FAT2: variants seen among roughly 807,000 people sequenced by gnomAD.
FAT2 encodes the protein FAT atypical cadherin 2.
Under a neutral mutation model 295.3 loss-of-function variants are expected in FAT2, and 150 were observed. The ratio of observed to expected loss-of-function variants is 0.51; its 90% CI spans 0.44 to 0.58. The LOEUF (loss-of-function observed/expected upper bound fraction) is 0.58. Among genes scored for constraint, FAT2 ranks in the 20% least tolerant of loss-of-function variants. FAT2 has a pLI of 0.00. For synonymous variants in FAT2, 2,026 were observed against 2,150.3 expected, an observed-to-expected ratio of 0.94 and a Z score of 1.60; for missense variants, 4,868 against 5,442.7, an observed-to-expected ratio of 0.89 and a Z score of 3.32.
rs1467837994 is a variant in FAT2, at chr5:151,568,222, C to T, written c.710G>A (p.Gly237Asp). The stretch of plus-strand genomic sequence containing the variant: ...ATGAACCACAAGTGCAGCCAGGCTG[C>T]CAAACCCATTGCCCTCAGAGATTTT... ...MRKISEGNGF[G>D]SLAALVVHVE... The change falls in exon 2 of 24, where the codon GGC becomes GAC. Residue 237 changes from glycine (G) to aspartate (D), a missense_variant. Gly to Asp is a moderately conservative substitution (Grantham distance 94). Transcript: ENST00000261800. 6.2e-7 allele frequency: 1 copy of T among 1,613,810 alleles called. No homozygotes were observed.
At chr5:151,537,346 AAGAAAAAAG>A (rs1167274430) in intron 12 of FAT2, among the ~76,000 whole-genome samples, 2 of 88,168 alleles carry the variant, frequency 2.3e-5, no homozygotes, top group African/African-American at 5.5e-5. Context: ...AAGAAAAGAA[AAGAAAAAAG>A]AAGGAAGGAA....
At chr5:151,526,010 C>T (rs772903987) in intron 17 of FAT2, 45 bp from the exon 18 acceptor site, 82 of 1,587,138 alleles carry the variant, frequency 5.2e-5, no homozygotes, top group East Asian at 2.3e-4. Context: ...GAATGAGTCC[C>T]GGTCCTTCCT....
In FAT2 at chr5:151,512,713, G is replaced by T. The variant is rs937631616; in HGVS notation, c.11464-107C>A. On this transcript the variant is annotated intron_variant, in intron 20 of 23. Coordinates refer to ENST00000261800, the MANE Select transcript of FAT2 (RefSeq NM_001447.3). The surrounding 1 kb of genome is among the most constrained non-coding windows in gnomAD (Gnocchi z 4.1). ...TTGTTTGTATTTTTATGGGTAGGAG[G>T]GGGGTGTTTGGCTGTTTTAGACATG... 3.8e-6 allele frequency: 4 copies of T among 1,055,498 alleles called. No individual in the cohort carries two copies. The highest frequency in any genetic ancestry group is 5.5e-6 in the Non-Finnish European group (4 of 733,570). The allele number at this position is 1,055,498 out of a possible 1,614,324, so 65.4% of individuals were successfully genotyped here.
chr5:151,571,582 C>G (rs973662125), intron 1 of FAT2, among the ~76,000 whole-genome samples: 1 of 152,216 alleles, frequency 6.6e-6, no homozygotes, highest in Non-Finnish European at 1.5e-5. Flanking sequence ...AGAGAATGCA[C>G]CCTTGGATGG....
rs1223178459 is a variant in FAT2, at chr5:151,566,734, G to A, written c.2198C>T (p.Pro733Leu). 4 of 1,614,182 alleles carry A rather than the reference G, an allele frequency of 2.5e-6. No homozygotes were observed. Among genetic ancestry groups the A allele is most frequent in the Non-Finnish European group, 3.4e-6 (4 of 1,180,034 alleles). Residue 733 changes from proline (P) to leucine (L), a missense_variant, in exon 2 of 24, where the codon CCC becomes CTC. Transcript: ENST00000261800. ...GTCAGTGGCTGCTAGGCGGGCCAAG[G>A]GGGTGTTGATAGGGACACTCTCAAG... ...DVLESVPINT[P>L]LARLAATDPD...
chr5:151,594,348 A>C (rs17112081), upstream of FAT2, among the ~76,000 whole-genome samples: 1 of 152,046 alleles, frequency 6.6e-6, no homozygotes, highest in African/African-American at 2.4e-5. Context: ...GGATGGGTCT[A>C]TATCTAACTC....
At chr5:151,539,646 GTTTAAC>G (rs1269433899) in intron 11 of FAT2, among the ~76,000 whole-genome samples, 2 of 152,264 alleles carry the variant, frequency 1.3e-5, no homozygotes, top group East Asian at 1.9e-4. Flanking sequence ...AATGTTAGCA[GTTTAAC>G]TTTATCTATA....
At chr5:151,590,077 A>T (rs1403058100) in intron 1 of FAT2, among the ~76,000 whole-genome samples, 1 of 152,096 alleles carries the variant, frequency 6.6e-6, no homozygotes, top group Non-Finnish European at 1.5e-5. Context: ...TGGATTTGAA[A>T]CCTCAAAAAT....
chr5:151,554,273 G>C, intron 5 of FAT2, 89 bp downstream of exon 5: 1 of 1,210,220 alleles, frequency 8.3e-7, no homozygotes, highest in South Asian at 1.5e-5. Flanking sequence ...CCTTATGCTG[G>C]TGGGCTGTCT....
At chr5:151,520,385 G>A (rs902389648) in intron 19 of FAT2, among the ~76,000 whole-genome samples, 1 of 152,210 alleles carries the variant, frequency 6.6e-6, no homozygotes. Context: ...GCCTTCATTG[G>A]AAGCTGTACA....
At chr5:151,579,747 A>AG (rs984944322) in intron 1 of FAT2, among the ~76,000 whole-genome samples, 5 of 152,072 alleles carry the variant, frequency 3.3e-5, no homozygotes, top group African/African-American at 1.2e-4. Context: ...TAAAAAAAAA[A>AG]AGAGAGAGAA....
rs149389038 is a variant in FAT2 at position 151,567,478 on chromosome 5, C to A, written c.1454G>T (p.Arg485Leu). Reference sequence around the variant, plus strand: ...GACATATCCATTTTCCCCATGATCCCGGTCAGTGGCAGTCACAGCCAAAAC... The same window carrying A: ...GACATATCCATTTTCCCCATGATCCAGGTCAGTGGCAGTCACAGCCAAAAC... ...TSVLAVTATD[R>L]DHGENGYVTY... The change falls in exon 2 of 24, where the codon CGG (arginine) becomes CTG (leucine). Residue 485 changes from arginine to leucine, a missense_variant. Transcript: ENST00000261800. The A allele has an allele frequency of 1.7e-5, 28 of 1,613,950 alleles. No individual in the cohort carries two copies. In the African/African-American group the frequency reaches 3.1e-4, roughly 18 times the overall value.
rs753725973 is a variant in FAT2, at chr5:151,544,208, C to T, written c.6919G>A (p.Val2307Ile). 22 of 1,614,080 alleles carry T rather than the reference C, an allele frequency of 1.4e-5. No individual in the cohort carries two copies. The highest frequency in any genetic ancestry group is 1.2e-4 in the Admixed American group (7 of 60,012). ...CCATCCTCCACAATCTGATAAGAGACGTCACGGTTCCGCCCTGAGTCCTGG... is the reference window on the plus strand; with the variant it reads ...CCATCCTCCACAATCTGATAAGAGATGTCACGGTTCCGCCCTGAGTCCTGG... ...SDQDSGRNRD[V>I]SYQIVEDGSD... Residue 2307 changes from valine to isoleucine, a missense_variant, in exon 10 of 24, where the codon GTC becomes ATC. Physicochemically the swap from Val to Ile is conservative, Grantham distance 29. Around this residue, in one of 5 missense-constraint regions of FAT2, gnomAD observed 3,297 missense variants for 3,669.4 expected, o/e 0.90. Transcript: ENST00000261800.
intron 8 of FAT2, among the ~76,000 whole-genome samples, chr5:151,549,715 T>C (rs1318251225): frequency 6.6e-6 from 1 of 152,232 alleles, no homozygotes; most frequent in African/African-American, 2.4e-5. Context: ...TCAGCTGTTT[T>C]AATGGATAAT....
At chr5:151,529,808 C>T (rs199958803) in intron 14 of FAT2, among the ~76,000 whole-genome samples, 1 of 152,148 alleles carries the variant, frequency 6.6e-6, no homozygotes, top group East Asian at 1.9e-4. Context: ...TGACAGACCT[C>T]AGGGCATAAA....
intron 15 of FAT2, 146 bp from the exon 16 acceptor site, chr5:151,528,279 T>G: frequency 6.2e-5 from 54 of 864,734 alleles, no homozygotes; most frequent in East Asian, 7.7e-5. Flanking sequence ...AAGTAATCTC[T>G]TCACTTACAT....
At chr5:151,579,933 A>G (rs945485755) in intron 1 of FAT2, among the ~76,000 whole-genome samples, 1 of 152,172 alleles carries the variant, frequency 6.6e-6, no homozygotes, top group African/African-American at 2.4e-5. Flanking sequence ...GCTATAATAG[A>G]TGTGAGAGGA....
rs1223145242 is a variant in FAT2, at chr5:151,525,928, A to G, written c.10346T>C (p.Ile3449Thr). The G allele has an allele frequency of 3.7e-6, 6 of 1,614,196 alleles. No individual in the cohort carries two copies. In the South Asian group the frequency reaches 6.6e-5, roughly 18 times the overall value. Residue 3449 changes from isoleucine (I) to threonine (T), a missense_variant, in exon 18 of 24, where the codon ATC (isoleucine) becomes ACC (threonine). Ile to Thr is a moderately conservative substitution (Grantham distance 89). Around this residue, in one of 5 missense-constraint regions of FAT2, gnomAD observed 1,046 missense variants for 1,210.1 expected, o/e 0.86. Transcript: ENST00000261800. ...CTCTGGAGAATCTGGGTCACTCAGG[A>G]TCAGCTGCAGGACTTTGCTGCCAAT... Reference protein sequence around the residue: ...SPIGSKVLQLILSDPDSPENG... With the variant: ...SPIGSKVLQLTLSDPDSPENG...
chr5:151,540,558 G>A lies in FAT2; in HGVS notation c.9039+9C>T, dbSNP rs1756028464. The A allele has an allele frequency of 6.2e-7, 1 of 1,603,552 alleles. No homozygotes were observed. The highest frequency in any genetic ancestry group is 8.5e-7 in the Non-Finnish European group (1 of 1,172,504). ...TCACTACCCACTCCACCCCTCGCCA[G>A]GCTCTCACCTGTGAACACTGTGGGC... On this transcript the variant is annotated intron_variant, in intron 11 of 23. Coordinates refer to ENST00000261800, the MANE Select transcript of FAT2 (RefSeq NM_001447.3).
Sources: allele counts gnomAD v4.1 joint callset (sites outside exome capture counted in the v4.1 genomes callset), GRCh38; gene constraint gnomAD v4.1.1; regional missense constraint gnomAD v4.1.1; non-coding constraint Gnocchi (gnomAD v3.1); transcripts MANE v1.5; gene names NCBI Gene and HGNC (gene_info 2026-07-23, HGNC 2026-07-21).